The following ZFYVE26 variants were observed in gnomAD, a reference collection of about 807,000 sequenced individuals.
The protein encoded by ZFYVE26 is zinc finger FYVE-type containing 26.
A neutral mutation model predicts 276.5 loss-of-function variants in ZFYVE26; 181 were observed. That is an observed-to-expected ratio of 0.65 (90% CI 0.58 to 0.74). The LOEUF is 0.74. Ranked by LOEUF, ZFYVE26 falls within the 30% of genes least tolerant of loss-of-function variation. The probability of loss-of-function intolerance (pLI) is 0.00; values close to 1 mark genes in which losing one functional copy is unlikely to be tolerated. For synonymous variants in ZFYVE26, 1,129 were observed against 1,203.1 expected (o/e 0.94, Z 1.27); for missense variants, 2,821 against 3,097.9 (o/e 0.91, Z 2.12).
rs1180134066 is a variant in ZFYVE26, at chr14:67,786,245, T to C, written c.3020-12A>G. 1.2e-5 allele frequency: 12 copies of C among 1,020,712 alleles called. No individual in the cohort carries two copies. In the South Asian group the frequency reaches 1.2e-4, roughly 10 times the overall value. The allele number at this position is 1,020,712 out of a possible 1,614,324, so 63.2% of individuals were successfully genotyped here. On this transcript the variant is annotated splice_polypyrimidine_tract_variant and intron_variant, in intron 16 of 41. Coordinates refer to ENST00000347230, the MANE Select transcript of ZFYVE26 (RefSeq NM_015346.4). ...GTCTATCCGTCGACCTGGAAATAGA[T>C]GAAGGAAGAGGGAATGCAAAAAAAA...
At chr14:67,800,278 C>G (rs1349813232) in intron 10 of ZFYVE26, among the ~76,000 whole-genome samples, 7 of 152,014 alleles carry the variant, frequency 4.6e-5, no homozygotes, top group Non-Finnish European at 1.0e-4. Flanking sequence ...AAACAATAGC[C>G]CTGGTCAGCT....
intron 16 of ZFYVE26, among the ~76,000 whole-genome samples, chr14:67,787,404 C>G (rs968902624): frequency 6.6e-6 from 1 of 151,920 alleles, no homozygotes; most frequent in Non-Finnish European, 1.5e-5. Flanking sequence ...TATTTAATAG[C>G]ATAACATGGG....
rs531553323 is a variant in ZFYVE26 at position 67,799,469 on chromosome 14, A to G, written c.1640-847T>C. The G allele has an allele frequency of 9.0e-5, 145 of 1,611,374 alleles. 1 individual carries two copies. In the East Asian group the frequency reaches 3.1e-3, roughly 34 times the overall value. ...GTTGGGGCTTGATGAAGGCGTGGATAGCCTGAAGGCAGCCATTCAGAGCAG... is the reference window on the plus strand; with the variant it reads ...GTTGGGGCTTGATGAAGGCGTGGATGGCCTGAAGGCAGCCATTCAGAGCAG... On this transcript the variant is annotated intron_variant, in intron 10 of 41. Coordinates refer to ENST00000347230, the MANE Select transcript of ZFYVE26 (RefSeq NM_015346.4).
intron 21 of ZFYVE26, 42 bp from the exon 22 acceptor site, chr14:67,781,571 C>T (rs892321778): frequency 2.5e-6 from 4 of 1,588,172 alleles, no homozygotes; most frequent in Non-Finnish European, 1.7e-6. Context: ...AAGCGTGGGA[C>T]CAGAAGAGTT....
chr14:67,746,750 A>G lies in ZFYVE26; in HGVS notation c.*1686T>C, dbSNP rs944133223. ...GTCTTATCCCAAATTAAGGGCTGCA[A>G]GATTTGTGACCCATTAGTATAAAGT... On this transcript the variant is annotated 3_prime_UTR_variant, in exon 42 of 42. Transcript: ENST00000347230. 6.6e-5 allele frequency: 10 copies of G among 152,626 alleles called. No homozygotes were observed. Among genetic ancestry groups the G allele is most frequent in the African/African-American group, 1.9e-4 (8 of 41,446 alleles). The allele number at this position is 152,626 out of a possible 1,614,324, so 9.5% of individuals were successfully genotyped here.
chr14:67,769,861 T>C, intron 28 of ZFYVE26, 131 bp from the exon 29 acceptor site: 1 of 1,282,038 alleles, frequency 7.8e-7, no homozygotes, highest in East Asian at 2.4e-5. Context: ...GGGTCTCTAT[T>C]GGAAAAGGAC....
intron 22 of ZFYVE26, 70 bp from the exon 23 acceptor site, chr14:67,780,415 TG>T: frequency 7.4e-7 from 1 of 1,346,190 alleles, no homozygotes; most frequent in Non-Finnish European, 1.0e-6. Context: ...TCACTGGGCA[TG>T]TCCACAGATG....
Position 67,793,590 on chromosome 14 carries a change from G to A in ZFYVE26, c.2553+18C>T, listed in dbSNP as rs1357654288. 6.2e-7 allele frequency: 1 copy of A among 1,612,358 alleles called. No individual in the cohort carries two copies. Among genetic ancestry groups the A allele is most frequent in the Admixed American group, 1.7e-5 (1 of 59,810 alleles). On this transcript the variant is annotated intron_variant, in intron 14 of 41. Coordinates refer to ENST00000347230, the MANE Select transcript of ZFYVE26 (RefSeq NM_015346.4). Reference sequence around the variant, plus strand: ...TGCTAAGTCATTCAGGGGCTGAAAAGGTATGGCCTCCCCTCACCTGATGGG... The same window carrying A: ...TGCTAAGTCATTCAGGGGCTGAAAAAGTATGGCCTCCCCTCACCTGATGGG...
At chr14:67,736,862 A>G (rs2038358775) in intron 13 of ZFYVE26, among the ~76,000 whole-genome samples, 1 of 152,142 alleles carries the variant, frequency 6.6e-6, no homozygotes, top group South Asian at 2.1e-4. Flanking sequence ...CTAAAGGGTT[A>G]GGTGATCCTG....
chr14:67,772,356 T>A, intron 27 of ZFYVE26, 146 bp from the exon 28 acceptor site: 2 of 976,660 alleles, frequency 2.0e-6, no homozygotes, highest in East Asian at 2.6e-5. Context: ...GTTTGTGTCA[T>A]AAAAGAGAGA....
chr14:67,745,647 T>C (rs561810646), downstream of ZFYVE26, among the ~76,000 whole-genome samples: 3 of 152,202 alleles, frequency 2.0e-5, no homozygotes, highest in Admixed American at 2.0e-4. Flanking sequence ...CCAAAGACCC[T>C]ACACCTGGTT....
At chr14:67,735,570 T>C (rs1450514711) in intron 13 of ZFYVE26, among the ~76,000 whole-genome samples, 1 of 152,212 alleles carries the variant, frequency 6.6e-6, no homozygotes, top group Non-Finnish European at 1.5e-5. Flanking sequence ...TGGATATGGA[T>C]ATGGCTTCCT....
Position 67,767,687 on chromosome 14 carries a change from C to A in ZFYVE26, c.5790+17G>T. Reference sequence around the variant, plus strand: ...CATAAAGAAACTTAAGTGACCATTGCATTTTATTGCTATTACCTGCTCATA... The same window carrying A: ...CATAAAGAAACTTAAGTGACCATTGAATTTTATTGCTATTACCTGCTCATA... On this transcript the variant is annotated intron_variant, in intron 31 of 41. Coordinates refer to ENST00000347230, the MANE Select transcript of ZFYVE26 (RefSeq NM_015346.4). 1 of 1,614,114 alleles carries A rather than the reference C, an allele frequency of 6.2e-7. No homozygotes were observed. Among genetic ancestry groups the A allele is most frequent in the Non-Finnish European group, 8.5e-7 (1 of 1,180,000 alleles).
chr14:67,777,994 T>C, intron 24 of ZFYVE26, 132 bp downstream of exon 24: 1 of 1,416,758 alleles, frequency 7.1e-7, no homozygotes, highest in Non-Finnish European at 9.9e-7. Context: ...AAGATGACTA[T>C]AACCAGCTCC....
At chr14:67,815,114 G>C (rs1379428062) in intron 2 of ZFYVE26, among the ~76,000 whole-genome samples, 3 of 152,156 alleles carry the variant, frequency 2.0e-5, no homozygotes, top group Non-Finnish European at 4.4e-5. Context: ...TGTGGTAATG[G>C]AACAGTTCTG....
downstream of ZFYVE26, among the ~76,000 whole-genome samples, chr14:67,744,627 T>C (rs1216830818): frequency 2.0e-5 from 3 of 152,190 alleles, no homozygotes; most frequent in African/African-American, 7.2e-5. Context: ...TGTGTTATCA[T>C]TGTTCAACTT....
At chr14:67,745,254 G>A (rs1313204504), downstream of ZFYVE26, among the ~76,000 whole-genome samples, 1 of 152,092 alleles carries the variant, frequency 6.6e-6, no homozygotes, top group Non-Finnish European at 1.5e-5. Flanking sequence ...TTTTTGATGG[G>A]ATTGGTTTTT....
intron 35 of ZFYVE26, 118 bp downstream of exon 35, chr14:67,761,248 G>T: frequency 2.2e-6 from 2 of 922,484 alleles, no homozygotes; most frequent in Non-Finnish European, 3.4e-6. Context: ...GCTAGAGATG[G>T]CCCCATAGCT....
chr14:67,786,104 A>T lies in ZFYVE26; in HGVS notation c.3139+10T>A, dbSNP rs1281806407. On this transcript the variant is annotated intron_variant, in intron 17 of 41. Coordinates refer to ENST00000347230, the MANE Select transcript of ZFYVE26 (RefSeq NM_015346.4). ...AGTCCAGGAGAAGAAAAGAGAAAAA[A>T]GCAACTCACCTGATTTGGTTTGACT... is the stretch of plus-strand genomic sequence containing the variant. 1.2e-6 allele frequency: 2 copies of T among 1,614,054 alleles called. No homozygotes were observed. The highest frequency in any genetic ancestry group is 1.7e-6 in the Non-Finnish European group (2 of 1,180,014).
Sources: allele counts gnomAD v4.1 joint callset (sites outside exome capture counted in the v4.1 genomes callset), GRCh38; gene constraint gnomAD v4.1.1; transcripts MANE v1.5; gene names NCBI Gene and HGNC (gene_info 2026-07-23, HGNC 2026-07-21).